The following KIF7 variants were observed in gnomAD, a reference collection of about 807,000 sequenced individuals.
KIF7 encodes kinesin-like protein KIF7.
KIF7 carries 104 observed loss-of-function variants against 135.7 expected under a neutral mutation model. That is an observed-to-expected ratio of 0.77 (90% confidence interval 0.65 to 0.90). The LOEUF (loss-of-function observed/expected upper bound fraction) is 0.90. Among genes scored for constraint, KIF7 ranks in the 40% least tolerant of loss-of-function variants. The pLI is 0.00. For synonymous variants in KIF7, 883 were observed against 809.4 expected, an observed-to-expected ratio of 1.09 and a Z score of -1.54; for missense variants, 2,005 against 1,839.1, an observed-to-expected ratio of 1.09 and a Z score of -1.65.
rs964366271 is a variant in KIF7, at chr15:89,652,976, C to G, written c.-24-22G>C. ...GGCCCTGTGGAGAGAGAGAGAAGCC[C>G]TGGCCATCAGCACTTGTACTCCAGG... On this transcript the variant is annotated intron_variant, in intron 1 of 18. Coordinates refer to ENST00000394412, the MANE Select transcript of KIF7 (RefSeq NM_198525.3). The G allele has an allele frequency of 2.8e-6, 4 of 1,446,110 alleles. No homozygotes were observed. The African/African-American group carries it at 4.2e-5, about 15-fold the overall frequency. 89.6% of individuals were successfully genotyped at this position (1,446,110 alleles called of 1,614,324 possible).
At chr15:89,619,735 T>G in intron 1 of KIF7, 1 of 1,613,156 alleles carries the variant, frequency 6.2e-7, no homozygotes, top group Non-Finnish European at 8.5e-7. Flanking sequence ...AGTCCTCGAA[T>G]CAAGCAGTTG....
chr15:89,621,449 GGGGCA>G, intron 1 of KIF7: 1 of 1,613,766 alleles, frequency 6.2e-7, no homozygotes, highest in Non-Finnish European at 8.5e-7. Context: ...TCTTCTTTTT[GGGGCA>G]ATGTCTGAGA....
chr15:89,660,688 G>A, the KIF7 span, among the ~76,000 whole-genome samples: 4 of 152,212 alleles, frequency 2.6e-5, no homozygotes, highest in African/African-American at 9.7e-5. Context: ...GTGCTAGACT[G>A]TACTATCGTT....
chr15:89,625,083 G>T, downstream of KIF7: 1 of 1,613,934 alleles, frequency 6.2e-7, no homozygotes, highest in South Asian at 1.1e-5. Flanking sequence ...CCCTCAGCAA[G>T]GAGGAGAGCT....
At position 89,630,274 on chromosome 15, in the gene KIF7, G is replaced by T. The variant is rs1335731619; in HGVS notation, c.3318+13C>A. ...CTGAGGAGGAGCTGGGGGGCCATGGGCTGCTGGCCCACCTTGTCAAAATAC... is the reference window on the plus strand; with the variant it reads ...CTGAGGAGGAGCTGGGGGGCCATGGTCTGCTGGCCCACCTTGTCAAAATAC... On this transcript the variant is annotated intron_variant, in intron 16 of 18. Transcript: ENST00000394412. The T allele has an allele frequency of 4.3e-6, 7 of 1,613,344 alleles. No homozygotes were observed. Among genetic ancestry groups the T allele is most frequent in the Non-Finnish European group, 5.9e-6 (7 of 1,179,634 alleles).
In KIF7 at chr15:89,645,215, G is replaced by A. The variant is rs770043902; in HGVS notation, c.2039-50C>T. 4.4e-6 allele frequency: 7 copies of A among 1,603,278 alleles called. No homozygotes were observed. The South Asian group carries it at 4.4e-5, about 10-fold the overall frequency. ...TGCTGCCCCAACTGACAGTGGGGGA[G>A]ACAGAGGAGTGGAGAGCAGGGGCTG... On this transcript the variant is annotated intron_variant, in intron 9 of 18. Transcript: ENST00000394412.
intron 11 of KIF7, among the ~76,000 whole-genome samples, chr15:89,635,579 G>A (rs1359959609): frequency 6.6e-6 from 1 of 152,204 alleles, no homozygotes; most frequent in Non-Finnish European, 1.5e-5. Flanking sequence ...GGGTATCAGT[G>A]ATGGAATATG....
At chr15:89,643,885 G>GA (rs11358124) in intron 10 of KIF7, among the ~76,000 whole-genome samples, 83 of 91,482 alleles carry the variant, frequency 9.1e-4, no homozygotes, top group African/African-American at 1.7e-3. Context: ...CTCCGTCTCA[G>GA]AAAAAAAAAA....
chr15:89,628,137 G>T lies in KIF7; in HGVS notation c.*282C>A, dbSNP rs186771941. 4 of 385,352 alleles carry T rather than the reference G, an allele frequency of 1.0e-5. No homozygotes were observed. Among genetic ancestry groups the T allele is most frequent in the Admixed American group, 4.1e-5 (1 of 24,176 alleles). The allele number at this position is 385,352 out of a possible 1,614,324, so 23.9% of individuals were successfully genotyped here. On this transcript the variant is annotated 3_prime_UTR_variant, in exon 19 of 19. Transcript: ENST00000394412. Reference sequence around the variant, plus strand: ...CTGAACTACAAGCACATCCATTTACGCCTGAAACCAGAATTGTCCTGAGAT... The same window carrying T: ...CTGAACTACAAGCACATCCATTTACTCCTGAAACCAGAATTGTCCTGAGAT...
At chr15:89,624,791 C>T (rs1163111650), downstream of KIF7, 3 of 1,614,080 alleles carry the variant, frequency 1.9e-6, no homozygotes, top group Non-Finnish European at 2.5e-6. Flanking sequence ...CTAAGGACAG[C>T]AGATGCTGAG....
chr15:89,654,992 C>G (rs1005453111), intron 1 of KIF7, among the ~76,000 whole-genome samples: 1 of 152,266 alleles, frequency 6.6e-6, no homozygotes, highest in Non-Finnish European at 1.5e-5. Context: ...GCTCTCCGCA[C>G]AGCGCTCCCG....
chr15:89,646,909 C>A lies in KIF7; in HGVS notation c.1709G>T (p.Gly570Val), dbSNP rs1057517751. 2 of 1,613,880 alleles carry A rather than the reference C, an allele frequency of 1.2e-6. No homozygotes were observed. Among genetic ancestry groups the A allele is most frequent in the East Asian group, 2.2e-5 (1 of 44,882 alleles). Residue 570 changes from glycine (G) to valine (V), a missense_variant, in exon 7 of 19, where the codon GGT becomes GTT. By Grantham distance (109) the Gly-to-Val change is moderately radical (BLOSUM62 -3). Transcript: ENST00000394412. ...CATGCCCAGCACATGGGCGTGGGCA[C>A]CCCCCAGGGGGGCTGTATGAGGTCG... Reference protein sequence around the residue: ...VPRPHTAPLGGAHAHVLGMVP... With the variant: ...VPRPHTAPLGVAHAHVLGMVP...
Position 89,633,370 on chromosome 15 carries a change from G to A in KIF7, c.2593-104C>T. The A allele has an allele frequency of 5.5e-6, 8 of 1,459,118 alleles. No homozygotes were observed. The South Asian group carries it at 7.4e-5, about 13-fold the overall frequency. 90.4% of individuals were successfully genotyped at this position (1,459,118 alleles called of 1,614,324 possible). Reference sequence around the variant, plus strand: ...CAGGAGTGCCTGCCCACTCCCAAGAGGGCCCTGCGAAGTGTCCCCCAGACC... The same window carrying A: ...CAGGAGTGCCTGCCCACTCCCAAGAAGGCCCTGCGAAGTGTCCCCCAGACC... On this transcript the variant is annotated intron_variant, in intron 12 of 18. Coordinates refer to ENST00000394412, the MANE Select transcript of KIF7 (RefSeq NM_198525.3).
chr15:89,647,748 T>G (rs890974350), intron 5 of KIF7, 36 bp from the exon 6 acceptor site: 1 of 1,464,798 alleles, frequency 6.8e-7, no homozygotes, highest in Admixed American at 2.0e-5. Context: ...GGGGCGGGGG[T>G]TGACAGGGCG....
chr15:89,630,339 C>T lies in KIF7; in HGVS notation c.3266G>A (p.Ser1089Asn). The T allele has an allele frequency of 6.2e-7, 1 of 1,614,162 alleles. No homozygotes were observed. Among genetic ancestry groups the T allele is most frequent in the Non-Finnish European group, 8.5e-7 (1 of 1,180,038 alleles). Residue 1089 changes from serine (S) to asparagine (N), a missense_variant, in exon 16 of 19, where the codon AGC (serine) becomes AAC (asparagine). Coordinates refer to ENST00000394412, the MANE Select transcript of KIF7 (RefSeq NM_198525.3). ...QCEMNLMAKL[S>N]YLSSSETRAL... ...TCTGGTCTCTGAGGATGAGAGGTAG[C>T]TGAGCTTGGCCATGAGGTTCATCTC...
chr15:89,630,625 C>A (rs1250017858), intron 15 of KIF7, 132 bp from the exon 16 acceptor site: 13 of 782,096 alleles, frequency 1.7e-5, no homozygotes, highest in Non-Finnish European at 2.8e-5. Context: ...GCCAAGTCAG[C>A]CCATCGAGAG....
At position 89,635,085 on chromosome 15, in the gene KIF7, C is replaced by A. The variant is rs570913978; in HGVS notation, c.2395-1202G>T. ...GGGGCAGACTGACACCTCACACGGC[C>A]GGGTACTCCAACAGACCTGCAGCTG... is the stretch of plus-strand genomic sequence containing the variant. On this transcript the variant is annotated intron_variant, in intron 11 of 18. Transcript: ENST00000394412. 4.6e-3 allele frequency among the ~76,000 whole-genome samples: 688 copies of A among 150,426 alleles called. 4 individuals carry two copies. Among genetic ancestry groups the A allele is most frequent in the African/African-American group, 0.016 (648 of 39,854 alleles).
chr15:89,636,178 G>A (rs1963803316), intron 11 of KIF7, among the ~76,000 whole-genome samples: 1 of 151,962 alleles, frequency 6.6e-6, no homozygotes, highest in African/African-American at 2.4e-5. Flanking sequence ...CCTGAAGGAA[G>A]CGCTAAACAT....
intron 11 of KIF7, among the ~76,000 whole-genome samples, chr15:89,640,143 G>A (rs1167013279): frequency 6.6e-6 from 1 of 151,770 alleles, no homozygotes; most frequent in East Asian, 1.9e-4. Context: ...GGACTGTTGT[G>A]GGGTGGGGGG....
Sources: allele counts gnomAD v4.1 joint callset (sites outside exome capture counted in the v4.1 genomes callset), GRCh38; gene constraint gnomAD v4.1.1; transcripts MANE v1.5; gene names NCBI Gene and HGNC (gene_info 2026-07-23, HGNC 2026-07-21).